FKBP5: variants seen among roughly 807,000 people sequenced by gnomAD.
FKBP5 encodes FKBP prolyl isomerase 5, also known as peptidyl-prolyl cis-trans isomerase FKBP5.
A neutral mutation model predicts 50.5 loss-of-function variants in FKBP5; 23 were observed. The ratio of observed to expected loss-of-function variants is 0.46; its 90% CI spans 0.33 to 0.65. The LOEUF (loss-of-function observed/expected upper bound fraction) is 0.65, where lower values mean the gene tolerates loss of function less well. Ranked by LOEUF, FKBP5 falls within the 30% of genes least tolerant of loss-of-function variation. The pLI is 0.02. For synonymous variants in FKBP5, 176 were observed against 190.6 expected (o/e 0.92, Z 0.63); for missense variants, 411 against 553.1 (o/e 0.74, Z 2.58).
chr6:35,649,907 G>A (rs1764747134), intron 1 of FKBP5, among the ~76,000 whole-genome samples: 1 of 152,074 alleles, frequency 6.6e-6, no homozygotes, highest in South Asian at 2.1e-4. Context: ...GATGGTCATG[G>A]GAATGTTAGA....
chr6:35,608,933 G>A (rs1763411638), intron 5 of FKBP5, among the ~76,000 whole-genome samples: 2 of 152,078 alleles, frequency 1.3e-5, no homozygotes, highest in South Asian at 4.1e-4. Context: ...GAGTAGCTGG[G>A]ATTATAGGCA....
chr6:35,623,549 G>A (rs898986101), intron 3 of FKBP5, among the ~76,000 whole-genome samples: 2 of 151,588 alleles, frequency 1.3e-5, no homozygotes, highest in African/African-American at 4.8e-5. Flanking sequence ...TTGCCCAACT[G>A]TCTTTACGAA....
intron 2 of FKBP5, among the ~76,000 whole-genome samples, chr6:35,719,711 C>T (rs1357788826): frequency 2.6e-5 from 4 of 152,186 alleles, no homozygotes; most frequent in Non-Finnish European, 4.4e-5. Context: ...TCTTGCTTCC[C>T]GGATTCATGG....
At chr6:35,645,875 G>C (rs950732218) in intron 1 of FKBP5, among the ~76,000 whole-genome samples, 4 of 152,206 alleles carry the variant, frequency 2.6e-5, no homozygotes, top group Non-Finnish European at 5.9e-5. Flanking sequence ...AACACTTTGG[G>C]AGGCTGAGGC....
chr6:35,664,466 G>A (rs891941756), intron 1 of FKBP5, among the ~76,000 whole-genome samples: 9 of 152,178 alleles, frequency 5.9e-5, no homozygotes, highest in South Asian at 2.1e-4. Flanking sequence ...TGCCACTCCC[G>A]GAGGAAGAAC....
At chr6:35,657,379 A>ACT (rs1402392762) in intron 1 of FKBP5, among the ~76,000 whole-genome samples, 1 of 152,084 alleles carries the variant, frequency 6.6e-6, no homozygotes, top group Non-Finnish European at 1.5e-5. Context: ...CCGGGAGAGC[A>ACT]CTCATCTCCT....
intron 2 of FKBP5, among the ~76,000 whole-genome samples, chr6:35,640,713 A>G (rs1764461446): frequency 6.6e-6 from 1 of 152,124 alleles, no homozygotes; most frequent in Non-Finnish European, 1.5e-5. Context: ...CTTTCTTTAT[A>G]TCCTTATTCT....
At chr6:35,708,798 G>A (rs1189299059) in intron 2 of FKBP5, among the ~76,000 whole-genome samples, 2 of 152,052 alleles carry the variant, frequency 1.3e-5, no homozygotes, top group Non-Finnish European at 2.9e-5. Context: ...AGATGCAGAT[G>A]TAATGGCAGG....
chr6:35,619,983 G>A lies in FKBP5; in HGVS notation c.393+149C>T, dbSNP rs931224966. On this transcript the variant is annotated intron_variant, in intron 4 of 10. Coordinates refer to ENST00000357266, the MANE Select transcript of FKBP5 (RefSeq NM_004117.4). ...GGCACGCGCACCCTTGGGTTTGTGG[G>A]AAACAATTCAAGAAGCCATGCTCCA... 15 of 971,276 alleles carry A rather than the reference G, an allele frequency of 1.5e-5. No individual in the cohort carries two copies. In the African/African-American group the frequency reaches 2.5e-4, roughly 16 times the overall value. 60.2% of individuals were successfully genotyped at this position (971,276 alleles called of 1,614,324 possible).
rs532980546 is a variant in FKBP5 at position 35,710,284 on chromosome 6, G to A, written c.-20+10044C>T. On this transcript the variant is annotated intron_variant, in intron 2 of 11. Coordinates refer to the FKBP5 transcript ENST00000536438. ...GCTTGAGCCCAGGAGTTCGAGACCA[G>A]CCTGGACAACATAGGAAACCCAGTC... Among the ~76,000 whole-genome samples, 4 of 152,162 alleles carry A rather than the reference G, an allele frequency of 2.6e-5. No homozygotes were observed. In the East Asian group the frequency reaches 7.7e-4, roughly 29 times the overall value.
At chr6:35,701,337 G>A (rs1222326447) in intron 2 of FKBP5, among the ~76,000 whole-genome samples, 1 of 145,566 alleles carries the variant, frequency 6.9e-6, no homozygotes, top group African/African-American at 2.5e-5. Context: ...TCCGCCTCCC[G>A]GGTTCACGCC....
At chr6:35,682,807 C>T (rs1465854684) in intron 1 of FKBP5, among the ~76,000 whole-genome samples, 1 of 150,784 alleles carries the variant, frequency 6.6e-6, no homozygotes, top group East Asian at 1.9e-4. Context: ...CTTTGGGAGG[C>T]TGAGACAAGA....
intron 8 of FKBP5, chr6:35,581,482 T>C: frequency 4.3e-6 from 3 of 697,356 alleles, no homozygotes; most frequent in Non-Finnish European, 5.3e-6. Flanking sequence ...CCCGGCTACT[T>C]AGGAGGCTGA....
chr6:35,658,586 G>A (rs1042412004), intron 1 of FKBP5, among the ~76,000 whole-genome samples: 2 of 152,082 alleles, frequency 1.3e-5, no homozygotes, highest in East Asian at 1.9e-4. Context: ...CATCAGCAAG[G>A]CATGTTAAAC....
intron 2 of FKBP5, among the ~76,000 whole-genome samples, chr6:35,694,401 C>G (rs1766050636): frequency 6.6e-6 from 1 of 152,158 alleles, no homozygotes; most frequent in Non-Finnish European, 1.5e-5. Flanking sequence ...CTTGCCTCGG[C>G]CTTCCAAAGT....
intron 3 of FKBP5, among the ~76,000 whole-genome samples, chr6:35,627,505 A>C (rs1764035949): frequency 6.6e-6 from 1 of 152,110 alleles, no homozygotes; most frequent in South Asian, 2.1e-4. Flanking sequence ...TTGTTTGTGT[A>C]TTCTGGGTAT....
intron 2 of FKBP5, among the ~76,000 whole-genome samples, chr6:35,711,902 A>C (rs1766420578): frequency 6.6e-6 from 1 of 151,934 alleles, no homozygotes; most frequent in South Asian, 2.1e-4. Context: ...TTTTTGAGAC[A>C]GTCTCGCTCT....
Position 35,596,015 on chromosome 6 carries a change from T to C in FKBP5, c.665+1233A>G, listed in dbSNP as rs148775772. Among the ~76,000 whole-genome samples, 667 of 151,920 alleles carry C rather than the reference T, an allele frequency of 4.4e-3. 2 individuals are homozygous for C. The highest frequency in any genetic ancestry group is 7.3e-3 in the Non-Finnish European group (494 of 67,960). Reference sequence around the variant, plus strand: ...TATGAAGAGTTCAAGGTAGAGCACTTTGGAAGGATTTTCAAGTGGTAGTTG... The same window carrying C: ...TATGAAGAGTTCAAGGTAGAGCACTCTGGAAGGATTTTCAAGTGGTAGTTG... On this transcript the variant is annotated intron_variant, in intron 6 of 10. Coordinates refer to ENST00000357266, the MANE Select transcript of FKBP5 (RefSeq NM_004117.4).
intron 2 of FKBP5, among the ~76,000 whole-genome samples, chr6:35,715,064 T>C (rs1256104010): frequency 6.6e-6 from 1 of 152,106 alleles, no homozygotes; most frequent in Non-Finnish European, 1.5e-5. Flanking sequence ...CACGCCTGCG[T>C]AATTTTTGTA....
Sources: gnomAD v4.1 joint callset for allele counts (sites outside exome capture counted in the v4.1 genomes callset) on GRCh38, gnomAD v4.1.1 for gene constraint, MANE v1.5 for transcripts, NCBI Gene and HGNC (gene_info 2026-07-23, HGNC 2026-07-21) for gene names.